ARHGAP10: variants seen among roughly 807,000 people sequenced by gnomAD.
ARHGAP10 encodes rho GTPase-activating protein 10.
In ARHGAP10, 87 loss-of-function variants were observed where a neutral mutation model predicts 108.6. The ratio of observed to expected loss-of-function variants is 0.80; its 90% CI spans 0.67 to 0.96. The LOEUF (loss-of-function observed/expected upper bound fraction) is 0.96. Ranked by LOEUF, ARHGAP10 falls within the 40% of genes least tolerant of loss-of-function variation. ARHGAP10 has a pLI of 0.00. For synonymous variants in ARHGAP10, 347 were observed against 341.1 expected, an observed-to-expected ratio of 1.02 and a Z score of -0.19; for missense variants, 939 against 954.5, an observed-to-expected ratio of 0.98 and a Z score of 0.21.
chr4:147,875,160 C>T lies in ARHGAP10; in HGVS notation c.832+10C>T, dbSNP rs1269567734. 2 of 1,560,572 alleles carry T rather than the reference C, an allele frequency of 1.3e-6. No individual in the cohort carries two copies. The highest frequency in any genetic ancestry group is 1.4e-5 in the African/African-American group (1 of 72,054). The stretch of plus-strand genomic sequence containing the variant: ...TATGTCCAGGAAAAAAGTAAGAGGC[C>T]CTCCAGCAGTGGCTGCGTGGCTGCT... On this transcript the variant is annotated intron_variant, in intron 8 of 22. Transcript: ENST00000336498.
At chr4:148,023,489 C>T (rs1407697724) in intron 19 of ARHGAP10, 76 bp downstream of exon 19, 2 of 1,405,696 alleles carry the variant, frequency 1.4e-6, no homozygotes, top group African/African-American at 2.9e-5. Context: ...GGGCAGGCCA[C>T]AGTTTTCTGT....
chr4:147,824,388 A>G (rs949157323), intron 3 of ARHGAP10, among the ~76,000 whole-genome samples: 1 of 151,976 alleles, frequency 6.6e-6, no homozygotes, highest in African/African-American at 2.4e-5. Flanking sequence ...GAATTACGTT[A>G]TAGTGTAAGT....
At chr4:147,902,929 G>T (rs1300765145) in intron 10 of ARHGAP10, among the ~76,000 whole-genome samples, 1 of 150,966 alleles carries the variant, frequency 6.6e-6, no homozygotes, top group African/African-American at 2.4e-5. Flanking sequence ...GAGGGCGGGG[G>T]TGTGTGGGGC....
Position 147,789,991 on chromosome 4 carries a change from ATT to A in ARHGAP10, c.155-32712_155-32711del, listed in dbSNP as rs767313173. 4.6e-3 allele frequency among the ~76,000 whole-genome samples: 536 copies of A among 117,778 alleles called. 5 individuals carry two copies. The highest frequency in any genetic ancestry group is 0.014 in the African/African-American group (448 of 32,588). 77.3% of individuals were successfully genotyped at this position (117,778 alleles called of 152,430 possible). A position where few individuals can be genotyped will look rare whatever the true frequency, so the allele number is the denominator to read the frequency against. ...AACAGAAAGGTGTGTTGGTGTGTGG[ATT>A]TTTTTTTTTTTTTTTTTTTTTTTAA... On this transcript the variant is annotated intron_variant, in intron 1 of 22. Transcript: ENST00000336498.
At chr4:147,784,474 A>ATT (rs1454614587) in intron 1 of ARHGAP10, among the ~76,000 whole-genome samples, 1 of 123,498 alleles carries the variant, frequency 8.1e-6, no homozygotes, top group Non-Finnish European at 1.6e-5. Flanking sequence ...TATAATTTAT[A>ATT]TTTATATATA....
intron 1 of ARHGAP10, among the ~76,000 whole-genome samples, chr4:147,766,825 TATATATA>T (rs1729846848): frequency 1.6e-5 from 2 of 122,040 alleles, no homozygotes; most frequent in African/African-American, 3.5e-5. Flanking sequence ...TATATATATA[TATATATA>T]TATATATTTA....
At chr4:148,008,481 G>C (rs891139794) in intron 18 of ARHGAP10, among the ~76,000 whole-genome samples, 1 of 151,326 alleles carries the variant, frequency 6.6e-6, no homozygotes, top group Non-Finnish European at 1.5e-5. Context: ...TGGGGGTGGT[G>C]GTACTGCTGG....
intron 1 of ARHGAP10, among the ~76,000 whole-genome samples, chr4:147,751,772 A>G (rs1015230107): frequency 2.0e-5 from 3 of 151,810 alleles, no homozygotes; most frequent in African/African-American, 4.8e-5. Context: ...TCTCGTAATA[A>G]TTGCCATTTT....
intron 18 of ARHGAP10, among the ~76,000 whole-genome samples, chr4:147,998,750 A>G (rs1007469463): frequency 1.3e-5 from 2 of 152,266 alleles, no homozygotes; most frequent in South Asian, 4.1e-4. Flanking sequence ...AGCATTTGAG[A>G]AAATTTACAT....
intron 19 of ARHGAP10, among the ~76,000 whole-genome samples, chr4:148,026,804 A>G (rs756850309): frequency 3.9e-5 from 6 of 152,252 alleles, no homozygotes; most frequent in Non-Finnish European, 8.8e-5. Context: ...GCAAAATATG[A>G]CGTAGGCTGC....
In ARHGAP10 at chr4:147,840,316, T is replaced by C. The variant is rs11728928; in HGVS notation, c.313-6835T>C. On this transcript the variant is annotated intron_variant, in intron 3 of 22. Transcript: ENST00000336498. ...TTAAGCAAATCAGAATGATTTTTTT[T>C]CTTCTCTCATGCAGTACCCATTTAA... is the stretch of plus-strand genomic sequence containing the variant. 9.0e-3 allele frequency among the ~76,000 whole-genome samples: 1,375 copies of C among 152,304 alleles called. 12 individuals are homozygous for C. The highest frequency in any genetic ancestry group is 0.027 in the Middle Eastern group (8 of 294).
chr4:147,866,755 G>T lies in ARHGAP10; in HGVS notation c.641G>T (p.Gly214Val). 1 of 1,613,738 alleles carries T rather than the reference G, an allele frequency of 6.2e-7. No homozygotes were observed. The highest frequency in any genetic ancestry group is 1.1e-5 in the South Asian group (1 of 91,018). ...GGGATGTTTACCTTCTATCATCAGG[G>T]CCATGAACTTGCCAAAGACTTCAAT... ...FQGMFTFYHQ[G>V]HELAKDFNHY... The change falls in exon 7 of 23, where the codon GGC becomes GTC. Residue 214 changes from glycine (G) to valine (V), a missense_variant. Transcript: ENST00000336498.
intron 19 of ARHGAP10, among the ~76,000 whole-genome samples, chr4:148,033,251 G>A (rs115713504): frequency 2.1e-3 from 324 of 152,244 alleles, no homozygotes; most frequent in African/African-American, 7.4e-3. Flanking sequence ...GTACTTATAA[G>A]AGGACCTTGT....
chr4:147,994,624 C>T (rs1205573729), intron 18 of ARHGAP10, among the ~76,000 whole-genome samples: 2 of 152,150 alleles, frequency 1.3e-5, no homozygotes, highest in Admixed American at 6.5e-5. Flanking sequence ...TCTCAATATC[C>T]ATCTCCTGTA....
intron 18 of ARHGAP10, among the ~76,000 whole-genome samples, chr4:147,982,108 G>T (rs1739830262): frequency 6.6e-6 from 1 of 152,140 alleles, no homozygotes; most frequent in Admixed American, 6.5e-5. Context: ...TATGAGTATG[G>T]GTCACTGCAG....
At chr4:147,744,480 T>C (rs1211539719) in intron 1 of ARHGAP10, among the ~76,000 whole-genome samples, 1 of 151,810 alleles carries the variant, frequency 6.6e-6, no homozygotes, top group African/African-American at 2.4e-5. Flanking sequence ...AGGGGAGTGG[T>C]GTGAGTTGAA....
chr4:147,916,033 C>T (rs1183931781), intron 13 of ARHGAP10, among the ~76,000 whole-genome samples: 1 of 152,096 alleles, frequency 6.6e-6, no homozygotes, highest in Non-Finnish European at 1.5e-5. Context: ...CACTGGATCC[C>T]AGGGGTCGAG....
chr4:147,772,434 G>A (rs1319978863), intron 1 of ARHGAP10, among the ~76,000 whole-genome samples: 2 of 152,194 alleles, frequency 1.3e-5, no homozygotes, highest in Non-Finnish European at 2.9e-5. Context: ...CAGATGGGAA[G>A]TTTAGAGCAA....
chr4:148,023,518 T>G, intron 19 of ARHGAP10, 105 bp downstream of exon 19: 1 of 1,240,758 alleles, frequency 8.1e-7, no homozygotes, highest in Non-Finnish European at 1.1e-6. Flanking sequence ...TTTTAATTTC[T>G]TCTTCCCTTA....
Sources: allele counts gnomAD v4.1 joint callset (sites outside exome capture counted in the v4.1 genomes callset), GRCh38; gene constraint gnomAD v4.1.1; transcripts MANE v1.5; gene names NCBI Gene and HGNC (gene_info 2026-07-23, HGNC 2026-07-21).